The following PPARGC1A variants were observed in gnomAD, a reference collection of about 807,000 sequenced individuals.
PPARGC1A encodes PPARG coactivator 1 alpha, also known as peroxisome proliferator-activated receptor gamma coactivator 1-alpha.
A neutral mutation model predicts 88.7 loss-of-function variants in PPARGC1A; 25 were observed. The observed-to-expected ratio is 0.28, with a 90% CI of 0.21 to 0.39. PPARGC1A has a LOEUF of 0.39. Ranked by LOEUF, PPARGC1A falls within the 10% of genes least tolerant of loss-of-function variation. PPARGC1A has a pLI of 1.00. For missense variants in PPARGC1A, 880 were observed against 968.7 expected (o/e 0.91, Z 1.22); for synonymous variants, 363 against 355.6 (o/e 1.02, Z -0.24).
chr4:24,017,413 G>A, the PPARGC1A span, among the ~76,000 whole-genome samples: 15 of 152,070 alleles, frequency 9.9e-5, no homozygotes, highest in Non-Finnish European at 2.9e-5. Context: ...TGTTGGGAAA[G>A]CTAAGACTCC....
intron 10 of PPARGC1A, among the ~76,000 whole-genome samples, chr4:23,807,749 G>A (rs1720082094): frequency 6.7e-6 from 1 of 149,050 alleles, no homozygotes; most frequent in Non-Finnish European, 1.5e-5. Flanking sequence ...GTGTGTGTGT[G>A]TGTGTATGTG....
chr4:24,232,295 C>G, the PPARGC1A span, among the ~76,000 whole-genome samples: 6 of 152,074 alleles, frequency 3.9e-5, no homozygotes, highest in Non-Finnish European at 7.4e-5. Flanking sequence ...GAAATCACAT[C>G]GTTCCCTTCT....
At chr4:24,123,919 A>T in the PPARGC1A span, among the ~76,000 whole-genome samples, 12 of 151,214 alleles carry the variant, frequency 7.9e-5, no homozygotes, top group African/African-American at 2.9e-4. Flanking sequence ...GCAAAAAAAA[A>T]AAAAAACAAA....
At chr4:23,994,873 G>A in the PPARGC1A span, among the ~76,000 whole-genome samples, 1 of 152,070 alleles carries the variant, frequency 6.6e-6, no homozygotes, top group Non-Finnish European at 1.5e-5. Flanking sequence ...AAGCAAAGAC[G>A]AATTCCAGTC....
the PPARGC1A span, among the ~76,000 whole-genome samples, chr4:24,137,753 T>G: frequency 6.6e-6 from 1 of 152,152 alleles, no homozygotes; most frequent in Non-Finnish European, 1.5e-5. Context: ...CAATGTAACT[T>G]CAATGTTCCT....
chr4:24,176,857 C>T, the PPARGC1A span, among the ~76,000 whole-genome samples: 3 of 152,180 alleles, frequency 2.0e-5, no homozygotes, highest in African/African-American at 7.2e-5. Context: ...CCCTGTTTTA[C>T]ACATTCTGCA....
intron 12 of PPARGC1A, among the ~76,000 whole-genome samples, chr4:23,800,358 A>G (rs1718442698): frequency 6.6e-6 from 1 of 152,160 alleles, no homozygotes; most frequent in South Asian, 2.1e-4. Context: ...TGACATGCAA[A>G]GGAACAAAAT....
the PPARGC1A span, among the ~76,000 whole-genome samples, chr4:24,340,167 G>C: frequency 4.6e-5 from 7 of 152,298 alleles, no homozygotes; most frequent in African/African-American, 1.4e-4. Flanking sequence ...ATGTAGTCAT[G>C]AATAGCCTTT....
the PPARGC1A span, among the ~76,000 whole-genome samples, chr4:24,240,582 GA>G: frequency 1.2e-4 from 19 of 152,278 alleles, no homozygotes; most frequent in African/African-American, 3.1e-4. Context: ...GTAGGAGGGG[GA>G]AAAATCGCTA....
intron 1 of PPARGC1A, among the ~76,000 whole-genome samples, chr4:23,887,541 T>G (rs1717115675): frequency 6.6e-6 from 1 of 152,184 alleles, no homozygotes; most frequent in Non-Finnish European, 1.5e-5. Context: ...AACTGTAGCC[T>G]CAATTTTATA....
chr4:24,045,921 G>A, the PPARGC1A span, among the ~76,000 whole-genome samples: 4 of 152,226 alleles, frequency 2.6e-5, no homozygotes, highest in African/African-American at 7.2e-5. Context: ...CTTAGCAACA[G>A]TCACCAAGCC....
chr4:24,188,402 C>T, the PPARGC1A span, among the ~76,000 whole-genome samples: 1 of 152,128 alleles, frequency 6.6e-6, no homozygotes, highest in African/African-American at 2.4e-5. Context: ...GGCAAAGGCA[C>T]TAACTCTTAA....
chr4:24,437,012 C>T, the PPARGC1A span, among the ~76,000 whole-genome samples: 1 of 152,150 alleles, frequency 6.6e-6, no homozygotes, highest in Non-Finnish European at 1.5e-5. Flanking sequence ...TGGGTATTTT[C>T]TTTGCCAACA....
intron 2 of PPARGC1A, among the ~76,000 whole-genome samples, chr4:23,880,393 C>T (rs1451783470): frequency 2.0e-5 from 3 of 152,154 alleles, no homozygotes; most frequent in Non-Finnish European, 2.9e-5. Context: ...GATCAACTCA[C>T]TCATTATGCA....
the PPARGC1A span, among the ~76,000 whole-genome samples, chr4:24,266,021 A>G: frequency 0.15 from 22,207 of 152,144 alleles, 2,047 homozygotes; most frequent in Middle Eastern, 0.3. Context: ...AATTAACCCA[A>G]GCCCGTAAAA....
At chr4:24,439,743 C>A in the PPARGC1A span, among the ~76,000 whole-genome samples, 5 of 152,338 alleles carry the variant, frequency 3.3e-5, no homozygotes, top group East Asian at 7.7e-4. Flanking sequence ...CCACTCTGAT[C>A]TTTGCACATC....
chr4:24,322,609 C>T, the PPARGC1A span, among the ~76,000 whole-genome samples: 2 of 152,220 alleles, frequency 1.3e-5, no homozygotes, highest in Non-Finnish European at 2.9e-5. Context: ...TGTGCTGGAA[C>T]AGGCTTACAT....
chr4:23,824,012 C>T (rs1489597082), intron 7 of PPARGC1A, among the ~76,000 whole-genome samples: 1 of 152,070 alleles, frequency 6.6e-6, no homozygotes, highest in East Asian at 1.9e-4. Context: ...ACTTAAAGCA[C>T]TTAGTGCAAG....
the PPARGC1A span, among the ~76,000 whole-genome samples, chr4:24,294,257 C>T: frequency 6.6e-6 from 1 of 152,150 alleles, no homozygotes. Flanking sequence ...ACTACAGTGC[C>T]TTTCTTAGTA....
Sources: gnomAD v4.1 joint callset for allele counts (sites outside exome capture counted in the v4.1 genomes callset) on GRCh38, gnomAD v4.1.1 for gene constraint, MANE v1.5 for transcripts, NCBI Gene and HGNC (gene_info 2026-07-23, HGNC 2026-07-21) for gene names.